Variants in KBTBD13 observed in about 807,000 individuals in gnomAD.
KBTBD13 encodes the protein kelch repeat and BTB domain containing 13, also known as kelch repeat and BTB domain-containing protein 13.
KBTBD13 carries 32 observed loss-of-function variants against 25.4 expected under a neutral mutation model. The ratio of observed to expected loss-of-function variants is 1.26; its 90% CI spans 0.95 to 1.69. KBTBD13 has a LOEUF of 1.69. Among genes scored for constraint, KBTBD13 ranks in the 40% most tolerant of loss-of-function variants. The pLI, the probability that KBTBD13 is intolerant of heterozygous loss-of-function variation, is 0.00. For missense variants in KBTBD13, 898 were observed against 679.5 expected (o/e 1.32, Z -3.57); for synonymous variants, 436 against 329.8 (o/e 1.32, Z -3.49).
Position 65,079,062 on chromosome 15 carries a change from G to A in KBTBD13, c.*870G>A, listed in dbSNP as rs1165154646. ...AGCCTGGAGTGAGACCTGTGGGGGC[G>A]AGAGGATTCTTCACGTTCCTTTTTG... On this transcript the variant is annotated 3_prime_UTR_variant, in exon 1 of 1. Transcript: ENST00000432196. Among the ~76,000 whole-genome samples, 1 of 152,194 alleles carries A rather than the reference G, an allele frequency of 6.6e-6. No homozygotes were observed. The highest frequency in any genetic ancestry group is 6.5e-5 in the Admixed American group (1 of 15,286).
In KBTBD13 at chr15:65,078,115, G is replaced by A. The variant is rs2087007754; in HGVS notation, c.1300G>A (p.Gly434Ser). Reference sequence around the variant, plus strand: ...GGAGAAAGCCGGCTTCCCGCGGCCCGGCTCCTTGCAGACCTTTCTCCTAAG... The same window carrying A: ...GGAGAAAGCCGGCTTCCCGCGGCCCAGCTCCTTGCAGACCTTTCTCCTAAG... ...LREKAGFPRP[G>S]SLQTFLLRLP... Residue 434 changes from glycine to serine, a missense_variant, in exon 1 of 1, where the codon GGC (glycine) becomes AGC (serine). Transcript: ENST00000432196. 1.3e-6 allele frequency: 2 copies of A among 1,570,580 alleles called. No individual in the cohort carries two copies. Among genetic ancestry groups the A allele is most frequent in the Admixed American group, 3.6e-5 (2 of 54,894 alleles).
rs1015540898 is a variant in KBTBD13, at chr15:65,078,355, G to A, written c.*163G>A. ...GTGTGGACATGTTCAAGAAGCTCAGGGAGCAGTGATGATGCCCTCAAATTA... is the reference window on the plus strand; with the variant it reads ...GTGTGGACATGTTCAAGAAGCTCAGAGAGCAGTGATGATGCCCTCAAATTA... On this transcript the variant is annotated 3_prime_UTR_variant, in exon 1 of 1. Transcript: ENST00000432196. Among the ~76,000 whole-genome samples the A allele has an allele frequency of 1.3e-5, 2 of 152,194 alleles. No homozygotes were observed. The highest frequency in any genetic ancestry group is 2.9e-5 in the Non-Finnish European group (2 of 68,036).
In KBTBD13 at chr15:65,077,239, C is replaced by T. The variant is rs1476921965; in HGVS notation, c.424C>T (p.Leu142=). The T allele has an allele frequency of 7.0e-7, 1 of 1,432,680 alleles. No individual in the cohort carries two copies. Among genetic ancestry groups the T allele is most frequent in the East Asian group, 2.9e-5 (1 of 34,916 alleles). 88.7% of individuals were successfully genotyped at this position (1,432,680 alleles called of 1,614,324 possible). A position where few individuals can be genotyped will look rare whatever the true frequency, so the allele number is the denominator to read the frequency against. ...GCGCGAGCTGGCGGCCGAACTGGCGCTGCCTGAGGCCCGCGCCTACGTGGC... is the reference window on the plus strand; with the variant it reads ...GCGCGAGCTGGCGGCCGAACTGGCGTTGCCTGAGGCCCGCGCCTACGTGGC... The part of the protein sequence containing the change: ...GERELAAELA[L]PEARAYVAAL... The change falls in exon 1 of 1, where the codon CTG becomes TTG. Residue 142 remains leucine (L), a synonymous_variant. Transcript: ENST00000432196.
At position 65,076,849 on chromosome 15, in the gene KBTBD13, TG is replaced by T; in HGVS notation, c.37del (p.Val13TrpfsTer41). On this transcript the variant is annotated frameshift_variant, in exon 1 of 1. Transcript: ENST00000432196. LOFTEE classifies it high-confidence loss of function. ...ARGPQTLVQV[W>X]VGGQLFQADR... The stretch of plus-strand genomic sequence containing the variant: ...GGGTCCACAGACCCTGGTGCAGGTG[TG>T]GGTGGGCGGCCAGCTCTTCCAAGCC... 6.4e-7 allele frequency: 1 copy of T among 1,560,536 alleles called. No homozygotes were observed.
In KBTBD13 at chr15:65,076,879, C is replaced by T. The variant is rs1193653136; in HGVS notation, c.64C>T (p.Arg22Cys). Residue 22 changes from arginine to cysteine, a missense_variant, in exon 1 of 1, where the codon CGC becomes TGC. Arg to Cys is a radical substitution (Grantham distance 180). Transcript: ENST00000432196. ...WVGGQLFQAD[R>C]ALLVEHCGFF... ...GGGCGGCCAGCTCTTCCAAGCCGACCGCGCCCTGCTGGTGGAGCACTGTGG... is the reference window on the plus strand; with the variant it reads ...GGGCGGCCAGCTCTTCCAAGCCGACTGCGCCCTGCTGGTGGAGCACTGTGG... The T allele has an allele frequency of 3.8e-6, 6 of 1,564,888 alleles. No individual in the cohort carries two copies. The highest frequency in any genetic ancestry group is 2.3e-5 in the East Asian group (1 of 42,904).
At position 65,078,047 on chromosome 15, in the gene KBTBD13, C is replaced by A. The variant is rs372826347; in HGVS notation, c.1232C>A (p.Thr411Lys). ...DTVYTVNRMF[T>K]LLYAIEGGTW... ...GTCTATACGGTCAACCGCATGTTCACGCTGCTCTACGCCATCGAGGGCGGC... is the reference window on the plus strand; with the variant it reads ...GTCTATACGGTCAACCGCATGTTCAAGCTGCTCTACGCCATCGAGGGCGGC... The change falls in exon 1 of 1, where the codon ACG becomes AAG. Residue 411 changes from threonine (T) to lysine (K), a missense_variant. Coordinates refer to ENST00000432196, the MANE Select transcript of KBTBD13 (RefSeq NM_001101362.3). 3 of 1,601,978 alleles carry A rather than the reference C, an allele frequency of 1.9e-6. No individual in the cohort carries two copies. The highest frequency in any genetic ancestry group is 2.5e-6 in the Non-Finnish European group (3 of 1,179,284).
Position 65,078,269 on chromosome 15 carries a change from T to TA in KBTBD13, c.*78dup. The stretch of plus-strand genomic sequence containing the variant: ...ATGGCTGAGTGTGTGAGGCCGGCCT[T>TA]AGAAGTAGCTGGCAACTTCCCTCTT... On this transcript the variant is annotated 3_prime_UTR_variant, in exon 1 of 1. Transcript: ENST00000432196. The TA allele has an allele frequency of 6.8e-7, 1 of 1,480,210 alleles. No individual in the cohort carries two copies. Among genetic ancestry groups the TA allele is most frequent in the Admixed American group, 2.3e-5 (1 of 44,166 alleles). 91.7% of individuals were successfully genotyped at this position (1,480,210 alleles called of 1,614,324 possible).
chr15:65,077,666 G>A lies in KBTBD13; in HGVS notation c.851G>A (p.Cys284Tyr), dbSNP rs761146672. The change falls in exon 1 of 1, where the codon TGC becomes TAC. Residue 284 changes from cysteine to tyrosine, a missense_variant. Coordinates refer to ENST00000432196, the MANE Select transcript of KBTBD13 (RefSeq NM_001101362.3). ...SVERYDPAAG[C>Y]WSFVADLPQP... ...GAGCGCTACGACCCAGCCGCGGGCT[G>A]CTGGAGTTTCGTGGCCGACCTGCCG... The A allele has an allele frequency of 6.3e-7, 1 of 1,586,168 alleles. No homozygotes were observed. Among genetic ancestry groups the A allele is most frequent in the Non-Finnish European group, 8.5e-7 (1 of 1,171,340 alleles).
At position 65,078,092 on chromosome 15, in the gene KBTBD13, A is replaced by G; in HGVS notation, c.1277A>G (p.Glu426Gly). 6.3e-7 allele frequency: 1 copy of G among 1,592,494 alleles called. No individual in the cohort carries two copies. Among genetic ancestry groups the G allele is most frequent in the Non-Finnish European group, 8.5e-7 (1 of 1,175,534 alleles). ...IEGGTWRLLR[E>G]KAGFPRPGSL... ...GGCGGCACCTGGCGGCTGCTCAGGG[A>G]GAAAGCCGGCTTCCCGCGGCCCGGC... The change falls in exon 1 of 1, where the codon GAG (glutamate) becomes GGG (glycine). Residue 426 changes from glutamate (E) to glycine (G), a missense_variant. Physicochemically the swap from Glu to Gly is moderately conservative, Grantham distance 98 (BLOSUM62 -2). Transcript: ENST00000432196.
chr15:65,078,551 C>A lies in KBTBD13; in HGVS notation c.*359C>A, dbSNP rs1055797404. On this transcript the variant is annotated 3_prime_UTR_variant, in exon 1 of 1. Coordinates refer to ENST00000432196, the MANE Select transcript of KBTBD13 (RefSeq NM_001101362.3). ...GTAGTAGGCAAGAATTAGGCACCTA[C>A]TGTATGCCCAATACAGTGTTATGCG... is the stretch of plus-strand genomic sequence containing the variant. Among the ~76,000 whole-genome samples, 1 of 152,156 alleles carries A rather than the reference C, an allele frequency of 6.6e-6. No homozygotes were observed. Among genetic ancestry groups the A allele is most frequent in the East Asian group, 1.9e-4 (1 of 5,196 alleles).
At position 65,077,066 on chromosome 15, in the gene KBTBD13, G is replaced by A. The variant is rs999785767; in HGVS notation, c.251G>A (p.Cys84Tyr). The A allele has an allele frequency of 1.3e-6, 2 of 1,514,884 alleles. No individual in the cohort carries two copies. The highest frequency in any genetic ancestry group is 1.8e-6 in the Non-Finnish European group (2 of 1,133,754). The allele number at this position is 1,514,884 out of a possible 1,614,324, so 93.8% of individuals were successfully genotyped here. A position where few individuals can be genotyped will look rare whatever the true frequency, so the allele number is the denominator to read the frequency against. The change falls in exon 1 of 1, where the codon TGC becomes TAC. Residue 84 changes from cysteine to tyrosine, a missense_variant. Transcript: ENST00000432196. ...AEDELLQAVE[C>Y]AAFLQAPALA... ...GACGAGCTGCTGCAGGCCGTGGAGT[G>A]CGCCGCCTTCCTCCAGGCGCCGGCG...
rs762706516 is a variant in KBTBD13, at chr15:65,077,088, G to C, written c.273G>C (p.Pro91=). 2.0e-6 allele frequency: 3 copies of C among 1,521,552 alleles called. No homozygotes were observed. Among genetic ancestry groups the C allele is most frequent in the South Asian group, 2.4e-5 (2 of 82,312 alleles). The allele number at this position is 1,521,552 out of a possible 1,614,324, so 94.3% of individuals were successfully genotyped here. The change falls in exon 1 of 1, where the codon CCG becomes CCC. Residue 91 remains proline, a synonymous_variant. Transcript: ENST00000432196. ...AGTGCGCCGCCTTCCTCCAGGCGCC[G>C]GCGCTGGCTCGCTTTCTGGAGCACA... The part of the protein sequence containing the change: ...AVECAAFLQA[P]ALARFLEHNL...
Position 65,078,266 on chromosome 15 carries a change from C to A in KBTBD13, c.*74C>A, listed in dbSNP as rs936794785. ...GCTATGGCTGAGTGTGTGAGGCCGGCCTTAGAAGTAGCTGGCAACTTCCCT... is the reference window on the plus strand; with the variant it reads ...GCTATGGCTGAGTGTGTGAGGCCGGACTTAGAAGTAGCTGGCAACTTCCCT... On this transcript the variant is annotated 3_prime_UTR_variant, in exon 1 of 1. Transcript: ENST00000432196. The A allele has an allele frequency of 4.2e-5, 62 of 1,483,896 alleles. No homozygotes were observed. Among genetic ancestry groups the A allele is most frequent in the Non-Finnish European group, 5.2e-5 (58 of 1,120,126 alleles). The allele number at this position is 1,483,896 out of a possible 1,614,324, so 91.9% of individuals were successfully genotyped here. A position where few individuals can be genotyped will look rare whatever the true frequency, so the allele number is the denominator to read the frequency against.
At position 65,078,329 on chromosome 15, in the gene KBTBD13, G is replaced by T. The variant is rs554161789; in HGVS notation, c.*137G>T. The T allele has an allele frequency of 5.6e-6, 7 of 1,254,446 alleles. No homozygotes were observed. In the African/African-American group the frequency reaches 1.1e-4, roughly 19 times the overall value. 77.7% of individuals were successfully genotyped at this position (1,254,446 alleles called of 1,614,324 possible). A position where few individuals can be genotyped will look rare whatever the true frequency, so the allele number is the denominator to read the frequency against. On this transcript the variant is annotated 3_prime_UTR_variant, in exon 1 of 1. Transcript: ENST00000432196. ...ACACCCAGGTTTGGTGCCTTCTGGT[G>T]GTGTGGACATGTTCAAGAAGCTCAG...
At position 65,079,621 on chromosome 15, in the gene KBTBD13, C is replaced by A. The variant is rs2087019864; in HGVS notation, c.*1429C>A. 6.6e-6 allele frequency among the ~76,000 whole-genome samples: 1 copy of A among 152,254 alleles called. No individual in the cohort carries two copies. The highest frequency in any genetic ancestry group is 2.4e-5 in the African/African-American group (1 of 41,460). On this transcript the variant is annotated 3_prime_UTR_variant, in exon 1 of 1. Coordinates refer to ENST00000432196, the MANE Select transcript of KBTBD13 (RefSeq NM_001101362.3). ...CGTTCCTTCATCAAAATCCCCAGCT[C>A]TGGCTTCTGGGCAGATGCCTGTCCC...
At position 65,077,829 on chromosome 15, in the gene KBTBD13, T is replaced by C; in HGVS notation, c.1014T>C (p.Arg338=). The C allele has an allele frequency of 1.2e-6, 2 of 1,607,986 alleles. No individual in the cohort carries two copies. The highest frequency in any genetic ancestry group is 1.7e-6 in the Non-Finnish European group (2 of 1,179,220). The stretch of plus-strand genomic sequence containing the variant: ...GGCTGCCAGTGGCCGAGCTGCGGCG[T>C]CCGCAGAGCTATGGCCACTGCATGG... ...DAWLPVAELR[R]PQSYGHCMVA... The change falls in exon 1 of 1, where the codon CGT becomes CGC. Residue 338 remains arginine (R), a synonymous_variant. Transcript: ENST00000432196.
In KBTBD13 at chr15:65,077,663, G is replaced by T; in HGVS notation, c.848G>T (p.Gly283Val). Reference protein sequence around the residue: ...SSVERYDPAAGCWSFVADLPQ... With the variant: ...SSVERYDPAAVCWSFVADLPQ... ...GTGGAGCGCTACGACCCAGCCGCGG[G>T]CTGCTGGAGTTTCGTGGCCGACCTG... Residue 283 changes from glycine to valine, a missense_variant, in exon 1 of 1, where the codon GGC (glycine) becomes GTC (valine). Physicochemically the swap from Gly to Val is moderately radical, Grantham distance 109 (BLOSUM62 -3). Coordinates refer to ENST00000432196, the MANE Select transcript of KBTBD13 (RefSeq NM_001101362.3). 1 of 1,586,492 alleles carries T rather than the reference G, an allele frequency of 6.3e-7. No homozygotes were observed.
chr15:65,076,809 G>C lies in KBTBD13; in HGVS notation c.-7G>C. 6.6e-7 allele frequency: 1 copy of C among 1,518,350 alleles called. No individual in the cohort carries two copies. The highest frequency in any genetic ancestry group is 1.2e-5 in the South Asian group (1 of 82,350). The allele number at this position is 1,518,350 out of a possible 1,614,324, so 94.1% of individuals were successfully genotyped here. ...CCCAGCGGCAGCCTCCGCCCGGCCA[G>C]CTCGCCATGGCACGGGGTCCACAGA... On this transcript the variant is annotated 5_prime_UTR_variant, in exon 1 of 1. Coordinates refer to ENST00000432196, the MANE Select transcript of KBTBD13 (RefSeq NM_001101362.3).
chr15:65,077,103 T>C lies in KBTBD13; in HGVS notation c.288T>C (p.Phe96=), dbSNP rs759474251. Residue 96 remains phenylalanine, a synonymous_variant, in exon 1 of 1, where the codon TTT becomes TTC. Coordinates refer to ENST00000432196, the MANE Select transcript of KBTBD13 (RefSeq NM_001101362.3). The part of the protein sequence containing the change: ...AFLQAPALAR[F]LEHNLTSDNC... ...TCCAGGCGCCGGCGCTGGCTCGCTT[T>C]CTGGAGCACAACCTCACGTCGGACA... 1.2e-5 allele frequency: 19 copies of C among 1,523,284 alleles called. No individual in the cohort carries two copies. The highest frequency in any genetic ancestry group is 2.8e-5 in the African/African-American group (2 of 71,020). 94.4% of individuals were successfully genotyped at this position (1,523,284 alleles called of 1,614,324 possible). A position where few individuals can be genotyped will look rare whatever the true frequency, so the allele number is the denominator to read the frequency against.
Sources: allele counts gnomAD v4.1 joint callset (sites outside exome capture counted in the v4.1 genomes callset), GRCh38; gene constraint gnomAD v4.1.1; transcripts MANE v1.5; gene names NCBI Gene and HGNC (gene_info 2026-07-23, HGNC 2026-07-21).